FRMD3: variants seen among roughly 807,000 people sequenced by gnomAD.
The protein encoded by FRMD3 is FERM domain containing 3.
Under a neutral mutation model 70.2 loss-of-function variants are expected in FRMD3, and 33 were observed. That is an observed-to-expected ratio of 0.47 (90% CI 0.36 to 0.63). FRMD3 has a LOEUF of 0.63. Among genes scored for constraint, FRMD3 ranks in the 20% least tolerant of loss-of-function variants. The probability of loss-of-function intolerance (pLI) is 0.00; values close to 1 mark genes in which losing one functional copy is unlikely to be tolerated. For missense variants in FRMD3, 632 were observed against 711.4 expected, an observed-to-expected ratio of 0.89 and a Z score of 1.27; for synonymous variants, 279 against 255.9, an observed-to-expected ratio of 1.09 and a Z score of -0.86.
intron 1 of FRMD3, among the ~76,000 whole-genome samples, chr9:83,519,896 G>A (rs1486838479): frequency 6.6e-6 from 1 of 152,074 alleles, no homozygotes; most frequent in African/African-American, 2.4e-5. Flanking sequence ...CACACGAACA[G>A]AAAACCAAAC....
intron 1 of FRMD3, among the ~76,000 whole-genome samples, chr9:83,423,462 A>G (rs973995542): frequency 6.6e-6 from 1 of 152,108 alleles, no homozygotes; most frequent in Non-Finnish European, 1.5e-5. Flanking sequence ...ATCAGGAGAA[A>G]GCCTATAAGC....
intron 1 of FRMD3, among the ~76,000 whole-genome samples, chr9:83,420,942 T>C (rs1826618740): frequency 1.4e-5 from 2 of 138,558 alleles, no homozygotes; most frequent in African/African-American, 5.4e-5. Flanking sequence ...TTCTTCTTTT[T>C]TTTTTTTTTT....
At chr9:83,302,421 G>A (rs111987110) in intron 10 of FRMD3, among the ~76,000 whole-genome samples, 1 of 152,246 alleles carries the variant, frequency 6.6e-6, no homozygotes, top group African/African-American at 2.4e-5. Flanking sequence ...ATTCACGTCT[G>A]GTTCTGTGAC....
the FRMD3 span, among the ~76,000 whole-genome samples, chr9:83,576,279 T>C: frequency 6.6e-6 from 1 of 151,428 alleles, no homozygotes; most frequent in African/African-American, 2.4e-5. Context: ...ATCAACATAA[T>C]AAAAGACAAA....
At chr9:83,448,719 C>G (rs78804801) in intron 1 of FRMD3, among the ~76,000 whole-genome samples, 2,166 of 152,342 alleles carry the variant, frequency 0.014, 60 homozygotes, top group African/African-American at 0.05. Flanking sequence ...CAAGCTTCCA[C>G]TCTGCTTTCG....
chr9:83,315,785 G>T (rs1345249428), intron 6 of FRMD3, among the ~76,000 whole-genome samples: 1 of 152,210 alleles, frequency 6.6e-6, no homozygotes, highest in East Asian at 1.9e-4. Context: ...GGGGGCCGAA[G>T]GTTCTAGTTC....
intron 2 of FRMD3, among the ~76,000 whole-genome samples, chr9:83,384,216 A>C (rs1825444413): frequency 6.6e-6 from 1 of 152,198 alleles, no homozygotes; most frequent in South Asian, 2.1e-4. Flanking sequence ...TGAGCAGACA[A>C]ATTTGTGATC....
At chr9:83,573,434 T>C in the FRMD3 span, among the ~76,000 whole-genome samples, 49 of 152,334 alleles carry the variant, frequency 3.2e-4, no homozygotes, top group South Asian at 1.2e-3. Context: ...ACATTAGTTA[T>C]ATTCTTTTGG....
At chr9:83,272,748 C>T (rs1246023722) in intron 13 of FRMD3, among the ~76,000 whole-genome samples, 5 of 150,404 alleles carry the variant, frequency 3.3e-5, no homozygotes, top group Non-Finnish European at 7.4e-5. Context: ...CGTCTCTGCC[C>T]GGCCGCCCAT....
intron 6 of FRMD3, among the ~76,000 whole-genome samples, chr9:83,334,127 C>T (rs925329585): frequency 6.6e-5 from 10 of 152,228 alleles, no homozygotes; most frequent in South Asian, 4.1e-4. Context: ...CTGTGCTCCC[C>T]GGAACACTGC....
intron 1 of FRMD3, among the ~76,000 whole-genome samples, chr9:83,451,371 A>AC (rs1827649787): frequency 7.3e-6 from 1 of 137,402 alleles, no homozygotes; most frequent in Non-Finnish European, 1.5e-5. Flanking sequence ...CACACACACA[A>AC]GCACACAAAT....
chr9:83,248,523 A>G lies in FRMD3; in HGVS notation c.1196-7T>C, dbSNP rs1176628178. The G allele has an allele frequency of 6.5e-7, 1 of 1,543,384 alleles. No homozygotes were observed. Among genetic ancestry groups the G allele is most frequent in the African/African-American group, 1.4e-5 (1 of 71,852 alleles). On this transcript the variant is annotated splice_region_variant and splice_polypyrimidine_tract_variant and intron_variant, in intron 13 of 13. Transcript: ENST00000304195. Reference sequence around the variant, plus strand: ...TCTTTAGGCAATGGAACACCTGTAAAGAGACATTTTTTTTTCTAAATTTAA... The same window carrying G: ...TCTTTAGGCAATGGAACACCTGTAAGGAGACATTTTTTTTTCTAAATTTAA...
intron 1 of FRMD3, among the ~76,000 whole-genome samples, chr9:83,448,447 C>A (rs1282661718): frequency 6.6e-6 from 1 of 152,156 alleles, no homozygotes; most frequent in African/African-American, 2.4e-5. Flanking sequence ...CCTAACCCAG[C>A]AGAGCAGCGG....
At chr9:83,342,464 A>G (rs1564024862) in intron 5 of FRMD3, among the ~76,000 whole-genome samples, 1 of 152,204 alleles carries the variant, frequency 6.6e-6, no homozygotes, top group Non-Finnish European at 1.5e-5. Context: ...TAATAGATGA[A>G]GAAACTGAAC....
the FRMD3 span, among the ~76,000 whole-genome samples, chr9:83,576,511 T>C: frequency 6.6e-6 from 1 of 152,112 alleles, no homozygotes; most frequent in Non-Finnish European, 1.5e-5. Context: ...TGTGTCATGG[T>C]GTTTGTTGTA....
intron 12 of FRMD3, among the ~76,000 whole-genome samples, chr9:83,291,401 A>G (rs1834414578): frequency 6.6e-6 from 1 of 152,164 alleles, no homozygotes; most frequent in Non-Finnish European, 1.5e-5. Flanking sequence ...TACCTGCTGC[A>G]GAGATACTAG....
At chr9:83,424,307 G>A (rs1826738692) in intron 1 of FRMD3, among the ~76,000 whole-genome samples, 1 of 152,302 alleles carries the variant, frequency 6.6e-6, no homozygotes, top group African/African-American at 2.4e-5. Context: ...AGACGATACA[G>A]AATCACTTTC....
intron 1 of FRMD3, among the ~76,000 whole-genome samples, chr9:83,478,836 G>C (rs1460848328): frequency 1.3e-5 from 2 of 152,098 alleles, no homozygotes; most frequent in South Asian, 2.1e-4. Context: ...CCTTCAAGCA[G>C]AGTAAGGCAT....
intron 1 of FRMD3, among the ~76,000 whole-genome samples, chr9:83,493,076 C>T (rs1399503685): frequency 6.6e-6 from 1 of 152,292 alleles, no homozygotes; most frequent in Non-Finnish European, 1.5e-5. Flanking sequence ...CACTGCCTCT[C>T]CCTGTGTCTG....
Sources: gnomAD v4.1 joint callset for allele counts (sites outside exome capture counted in the v4.1 genomes callset) on GRCh38, gnomAD v4.1.1 for gene constraint, MANE v1.5 for transcripts, NCBI Gene and HGNC (gene_info 2026-07-23, HGNC 2026-07-21) for gene names.